The following KCNIP4 variants were observed in gnomAD, a reference collection of about 807,000 sequenced individuals.
KCNIP4 encodes Kv channel-interacting protein 4.
In KCNIP4, 12 loss-of-function variants were observed where a neutral mutation model predicts 34.0. The ratio of observed to expected loss-of-function variants is 0.35; its 90% CI spans 0.23 to 0.57. KCNIP4 has a LOEUF of 0.57. Among genes scored for constraint, KCNIP4 ranks in the 20% least tolerant of loss-of-function variants. KCNIP4 has a pLI of 0.83. For synonymous variants in KCNIP4, 124 were observed against 102.2 expected, an observed-to-expected ratio of 1.21 and a Z score of -1.29; for missense variants, 238 against 311.7, an observed-to-expected ratio of 0.76 and a Z score of 1.78.
intron 2 of KCNIP4, among the ~76,000 whole-genome samples, chr4:20,853,575 G>A (rs1478983876): frequency 6.6e-6 from 1 of 151,916 alleles, no homozygotes; most frequent in East Asian, 1.9e-4. Flanking sequence ...TTTAGACACT[G>A]GCTTAGGCAA....
intron 1 of KCNIP4, among the ~76,000 whole-genome samples, chr4:20,956,554 T>A (rs148030766): frequency 3.0e-4 from 45 of 152,334 alleles, no homozygotes; most frequent in African/African-American, 1.1e-3. Flanking sequence ...AGTTATGGCT[T>A]TATTCATTTC....
At chr4:21,249,296 C>A (rs1023955919) in intron 1 of KCNIP4, among the ~76,000 whole-genome samples, 1 of 151,952 alleles carries the variant, frequency 6.6e-6, no homozygotes, top group Non-Finnish European at 1.5e-5. Context: ...GGAAAAAAAT[C>A]CTATAGTTTG....
chr4:21,351,279 G>A (rs188923222), intron 1 of KCNIP4, among the ~76,000 whole-genome samples: 10 of 152,230 alleles, frequency 6.6e-5, no homozygotes, highest in South Asian at 4.2e-4. Flanking sequence ...CCCACATGTC[G>A]TAGGAGGAAC....
chr4:21,469,327 T>A (rs1730262639), intron 1 of KCNIP4, among the ~76,000 whole-genome samples: 1 of 152,160 alleles, frequency 6.6e-6, no homozygotes, highest in African/African-American at 2.4e-5. Flanking sequence ...ATTATAGGTA[T>A]GAGCCACCGC....
chr4:20,731,259 A>AGAT lies in KCNIP4; in HGVS notation c.705+744_705+746dup, dbSNP rs146706282. On this transcript the variant is annotated intron_variant, in intron 8 of 8. Coordinates refer to ENST00000382152, the MANE Select transcript of KCNIP4 (RefSeq NM_025221.6). ...TAACTTAATTTTTTTTTGTAGAGAT[A>AGAT]GATAGGGTCTTGCTATGTTGCCCAC... is the stretch of plus-strand genomic sequence containing the variant. The AGAT allele has an allele frequency of 1.9e-3, 649 of 344,276 alleles. 6 individuals carry two copies. Among genetic ancestry groups the AGAT allele is most frequent in the African/African-American group, 0.014 (611 of 44,858 alleles). The allele number at this position is 344,276 out of a possible 1,614,324, so 21.3% of individuals were successfully genotyped here. A position where few individuals can be genotyped will look rare whatever the true frequency, so the allele number is the denominator to read the frequency against.
chr4:21,744,124 C>A (rs1373069150), intron 1 of KCNIP4, among the ~76,000 whole-genome samples: 4 of 152,120 alleles, frequency 2.6e-5, no homozygotes, highest in African/African-American at 9.7e-5. Context: ...TTCTAATAAA[C>A]ATTTTGCAGA....
chr4:20,900,207 C>G (rs867256426), intron 1 of KCNIP4, among the ~76,000 whole-genome samples: 4 of 152,120 alleles, frequency 2.6e-5, no homozygotes, highest in African/African-American at 9.7e-5. Context: ...TTAGGAAACC[C>G]AAGACCACCT....
At chr4:21,366,043 T>C (rs1406553843) in intron 1 of KCNIP4, among the ~76,000 whole-genome samples, 6 of 152,200 alleles carry the variant, frequency 3.9e-5, no homozygotes, top group Non-Finnish European at 8.8e-5. Flanking sequence ...GATCCTATCA[T>C]AGATAGTGTT....
At chr4:21,226,144 T>C (rs1280907327) in intron 1 of KCNIP4, among the ~76,000 whole-genome samples, 1 of 149,176 alleles carries the variant, frequency 6.7e-6, no homozygotes, top group Non-Finnish European at 1.5e-5. Context: ...CAAGTTCATG[T>C]AGTTAGAATT....
In KCNIP4 at chr4:20,861,130, C is replaced by T. The variant is rs539235523; in HGVS notation, c.164-10463G>A. ...GCTGTGCAGCTGATGAGTGTGGGCACGGGGAGCCAGGACCTGCCCCAAACC... is the reference window on the plus strand; with the variant it reads ...GCTGTGCAGCTGATGAGTGTGGGCATGGGGAGCCAGGACCTGCCCCAAACC... On this transcript the variant is annotated intron_variant, in intron 2 of 8. Transcript: ENST00000382152. Among the ~76,000 whole-genome samples the T allele has an allele frequency of 3.9e-5, 6 of 152,196 alleles. No individual in the cohort carries two copies. The East Asian group carries it at 5.8e-4, about 15-fold the overall frequency.
chr4:21,056,276 A>T (rs1446466071), intron 1 of KCNIP4, among the ~76,000 whole-genome samples: 1 of 152,154 alleles, frequency 6.6e-6, no homozygotes, highest in African/African-American at 2.4e-5. Flanking sequence ...CTACAAAAAA[A>T]AGCCTTGAAA....
At chr4:21,912,037 A>C (rs1262087781) in intron 1 of KCNIP4, among the ~76,000 whole-genome samples, 1 of 152,118 alleles carries the variant, frequency 6.6e-6, no homozygotes, top group South Asian at 2.1e-4. Context: ...TACATCAGGC[A>C]ATTGCCTTGT....
intron 1 of KCNIP4, among the ~76,000 whole-genome samples, chr4:21,618,928 CG>C (rs553803444): frequency 6.6e-6 from 1 of 151,982 alleles, no homozygotes; most frequent in South Asian, 2.1e-4. Flanking sequence ...CCACCGTGCC[CG>C]GCCATATTTA....
intron 1 of KCNIP4, among the ~76,000 whole-genome samples, chr4:21,603,447 C>A (rs901259989): frequency 6.6e-6 from 1 of 152,092 alleles, no homozygotes; most frequent in Non-Finnish European, 1.5e-5. Context: ...ACTTCAAATG[C>A]AAAGAAGAAA....
intron 1 of KCNIP4, among the ~76,000 whole-genome samples, chr4:21,861,179 T>C (rs1725052633): frequency 6.6e-6 from 1 of 152,252 alleles, no homozygotes; most frequent in South Asian, 2.1e-4. Context: ...TTTCAAATAT[T>C]ACAAAGTATA....
At chr4:21,465,186 T>C (rs1560432140) in intron 1 of KCNIP4, among the ~76,000 whole-genome samples, 3 of 152,256 alleles carry the variant, frequency 2.0e-5, no homozygotes, top group East Asian at 3.9e-4. Flanking sequence ...AGCACTGAGT[T>C]GAATGCCTAC....
At chr4:21,794,957 T>C (rs1317625448) in intron 1 of KCNIP4, among the ~76,000 whole-genome samples, 1 of 152,072 alleles carries the variant, frequency 6.6e-6, no homozygotes, top group Non-Finnish European at 1.5e-5. Flanking sequence ...GTTCCCTTCG[T>C]CTCTCCAGCC....
intron 1 of KCNIP4, among the ~76,000 whole-genome samples, chr4:21,121,187 A>T (rs1038289355): frequency 6.6e-6 from 1 of 152,172 alleles, no homozygotes; most frequent in Non-Finnish European, 1.5e-5. Flanking sequence ...ACACAACCCC[A>T]GGTGACTCCT....
At chr4:20,924,893 T>C (rs1729745527) in intron 1 of KCNIP4, among the ~76,000 whole-genome samples, 1 of 152,242 alleles carries the variant, frequency 6.6e-6, no homozygotes, top group African/African-American at 2.4e-5. Flanking sequence ...ATAAATGCTC[T>C]ATTTCTTTAC....
Sources: gnomAD v4.1 joint callset for allele counts (sites outside exome capture counted in the v4.1 genomes callset) on GRCh38, gnomAD v4.1.1 for gene constraint, MANE v1.5 for transcripts, NCBI Gene and HGNC (gene_info 2026-07-23, HGNC 2026-07-21) for gene names.